GLIS3: variants seen among roughly 807,000 people sequenced by gnomAD.
GLIS3 encodes GLIS family zinc finger 3, also known as zinc finger protein GLIS3.
Under a neutral mutation model 78.6 loss-of-function variants are expected in GLIS3, and 53 were observed. The ratio of observed to expected loss-of-function variants is 0.67; its 90% CI spans 0.54 to 0.85. The LOEUF (loss-of-function observed/expected upper bound fraction) is 0.85, where lower values mean the gene tolerates loss of function less well. Ranked by LOEUF, GLIS3 falls within the 40% of genes least tolerant of loss-of-function variation. GLIS3 has a pLI of 0.00. For synonymous variants in GLIS3, 684 were observed against 509.9 expected (o/e 1.34, Z -4.60); for missense variants, 1,703 against 1,231.1 (o/e 1.38, Z -5.74).
chr9:4,333,815 C>G (rs1482193203), intron 2 of GLIS3, among the ~76,000 whole-genome samples: 2 of 145,460 alleles, frequency 1.4e-5, no homozygotes, highest in Non-Finnish European at 3.0e-5. Context: ...AATATCCTCC[C>G]AAGAGAAATT....
chr9:4,328,213 T>C (rs1296795250), intron 2 of GLIS3, among the ~76,000 whole-genome samples: 4 of 152,138 alleles, frequency 2.6e-5, no homozygotes, highest in Admixed American at 2.6e-4. Flanking sequence ...CCTTTGCAGC[T>C]TCAGAGGGCA....
intron 4 of GLIS3, among the ~76,000 whole-genome samples, chr9:4,116,831 T>C (rs1054571682): frequency 1.3e-5 from 2 of 152,210 alleles, no homozygotes; most frequent in Non-Finnish European, 2.9e-5. Context: ...TTTCTGTCCA[T>C]CTAAACTAAT....
chr9:3,967,025 A>AC (rs1817998061), intron 4 of GLIS3, among the ~76,000 whole-genome samples: 5 of 144,980 alleles, frequency 3.4e-5, no homozygotes. Context: ...AAAAAAAAAA[A>AC]AAAAAAAACA....
chr9:3,851,064 C>T (rs1383548100), intron 9 of GLIS3, among the ~76,000 whole-genome samples: 1 of 152,184 alleles, frequency 6.6e-6, no homozygotes, highest in Non-Finnish European at 1.5e-5. Context: ...TGAACACTTG[C>T]TGAACTGAAC....
At chr9:4,321,413 C>T (rs1399848621) in intron 2 of GLIS3, among the ~76,000 whole-genome samples, 1 of 53,808 alleles carries the variant, frequency 1.9e-5, no homozygotes, top group Non-Finnish European at 3.0e-5. Context: ...CAGAGCTAGA[C>T]TCCGTCTCAA....
chr9:4,354,508 C>A, the GLIS3 span, among the ~76,000 whole-genome samples: 1 of 152,160 alleles, frequency 6.6e-6, no homozygotes, highest in African/African-American at 2.4e-5. Context: ...ATATTCCCTA[C>A]AATAATAACT....
At chr9:4,219,865 G>A (rs957656826) in intron 2 of GLIS3, among the ~76,000 whole-genome samples, 7 of 152,132 alleles carry the variant, frequency 4.6e-5, no homozygotes, top group African/African-American at 1.7e-4. Context: ...GAGCCTAGAA[G>A]CAATGACACC....
the GLIS3 span, among the ~76,000 whole-genome samples, chr9:4,459,993 G>A: frequency 6.6e-6 from 1 of 152,122 alleles, no homozygotes; most frequent in African/African-American, 2.4e-5. Context: ...GAATAATAGA[G>A]GCACACTCTA....
chr9:4,106,622 C>G (rs139285631), intron 4 of GLIS3, among the ~76,000 whole-genome samples: 1 of 152,210 alleles, frequency 6.6e-6, no homozygotes, highest in East Asian at 1.9e-4. Context: ...CAGTTCATGA[C>G]CAAAAGCAAG....
At chr9:4,086,547 A>G (rs1829035610) in intron 4 of GLIS3, among the ~76,000 whole-genome samples, 1 of 152,232 alleles carries the variant, frequency 6.6e-6, no homozygotes, top group East Asian at 1.9e-4. Context: ...CTTCCAGAAA[A>G]CAAATCTTTA....
At chr9:4,166,198 C>A (rs1835879085) in intron 2 of GLIS3, among the ~76,000 whole-genome samples, 1 of 152,216 alleles carries the variant, frequency 6.6e-6, no homozygotes, top group Middle Eastern at 3.4e-3. Flanking sequence ...TATTAAGCAT[C>A]CAAAAACTGT....
chr9:3,876,818 A>T (rs1821349880), intron 8 of GLIS3, among the ~76,000 whole-genome samples: 1 of 150,872 alleles, frequency 6.6e-6, no homozygotes, highest in Admixed American at 6.6e-5. Flanking sequence ...TTTCAAGAGG[A>T]GGAATAAAAA....
chr9:4,321,411 G>T (rs181019505), intron 2 of GLIS3, among the ~76,000 whole-genome samples: 903 of 57,100 alleles, frequency 0.016, 123 homozygotes, highest in African/African-American at 0.088. Context: ...CACAGAGCTA[G>T]ACTCCGTCTC....
chr9:3,936,814 T>C (rs549967872), intron 5 of GLIS3, among the ~76,000 whole-genome samples: 3 of 152,178 alleles, frequency 2.0e-5, no homozygotes, highest in East Asian at 1.9e-4. Flanking sequence ...TCCCAGGAGG[T>C]TGTAATATTT....
chr9:4,319,983 T>TTGTGTGTGTG (rs58794068), intron 2 of GLIS3, among the ~76,000 whole-genome samples: 15 of 145,078 alleles, frequency 1.0e-4, no homozygotes, highest in Non-Finnish European at 1.8e-4. Context: ...GTAGAGGGGG[T>TTGTGTGTGTG]TGTGTGTGTG....
intron 4 of GLIS3, among the ~76,000 whole-genome samples, chr9:4,086,502 A>C (rs896192500): frequency 6.6e-6 from 1 of 152,238 alleles, no homozygotes; most frequent in Admixed American, 6.5e-5. Flanking sequence ...AATGTTTATT[A>C]CATTGGGGTG....
chr9:4,208,960 C>T (rs923545462), intron 2 of GLIS3, among the ~76,000 whole-genome samples: 14 of 152,270 alleles, frequency 9.2e-5, no homozygotes, highest in African/African-American at 2.9e-4. Context: ...TCTGATGGTG[C>T]ACTTCTTCAT....
At chr9:3,943,450 T>G (rs1816081686) in intron 4 of GLIS3, among the ~76,000 whole-genome samples, 1 of 152,364 alleles carries the variant, frequency 6.6e-6, no homozygotes, top group East Asian at 1.9e-4. Context: ...AACAGGGCAC[T>G]GAACTCAGGA....
chr9:4,465,886 G>A, the GLIS3 span, among the ~76,000 whole-genome samples: 16 of 152,156 alleles, frequency 1.1e-4, no homozygotes, highest in Non-Finnish European at 2.2e-4. Flanking sequence ...CTATTTGAAA[G>A]CATTAAGTGC....
Sources: allele counts gnomAD v4.1 joint callset (sites outside exome capture counted in the v4.1 genomes callset), GRCh38; gene constraint gnomAD v4.1.1; transcripts MANE v1.5; gene names NCBI Gene and HGNC (gene_info 2026-07-23, HGNC 2026-07-21).